The following PGAM4 variants were observed in gnomAD, a reference collection of about 807,000 sequenced individuals.
PGAM4 encodes phosphoglycerate mutase 4.
Under a neutral mutation model 10.8 loss-of-function variants are expected in PGAM4, and 7 were observed. The ratio of observed to expected loss-of-function variants is 0.65; its 90% CI spans 0.37 to 1.21. The LOEUF is 1.21. Among genes scored for constraint, PGAM4 ranks in the 50% most tolerant of loss-of-function variants. The pLI, the probability that PGAM4 is intolerant of heterozygous loss-of-function variation, is 0.02. For missense variants in PGAM4, 146 were observed against 214.1 expected (o/e 0.68, Z 1.98); for synonymous variants, 55 against 90.3 (o/e 0.61, Z 2.22).
chrX:77,969,434 T>C lies in PGAM4; in HGVS notation c.205A>G (p.Thr69Ala). 8.3e-7 allele frequency: 1 copy of C among 1,210,218 alleles called. No homozygotes were observed. The part of the protein sequence containing the change: ...VQKRVIRTLW[T>A]VLDAIDQMWL... The stretch of plus-strand genomic sequence containing the variant: ...ATCTGATCAATGGCATCTAGCACTG[T>C]CCAGAGGGTCCGGATCACTCTCTTC... Residue 69 changes from threonine to alanine, a missense_variant, in exon 1 of 1, where the codon ACA becomes GCA. Transcript: ENST00000458128.
chrX:77,968,816 A>G lies in PGAM4; in HGVS notation c.*58T>C. The G allele has an allele frequency of 8.3e-7, 1 of 1,201,361 alleles. No homozygotes were observed. The highest frequency in any genetic ancestry group is 1.1e-6 in the Non-Finnish European group (1 of 888,521). ...TGTGACATGTGCAGGTGGGAGGGGC[A>G]GAGGGACAAGACCAGCAGGGAGGGT... On this transcript the variant is annotated 3_prime_UTR_variant, in exon 1 of 1. Coordinates refer to ENST00000458128, the MANE Select transcript of PGAM4 (RefSeq NM_001029891.3).
rs181072116 is a variant in PGAM4 at position 77,968,341 on chromosome X, G to A, written c.*533C>T. On this transcript the variant is annotated 3_prime_UTR_variant, in exon 1 of 1. Coordinates refer to ENST00000458128, the MANE Select transcript of PGAM4 (RefSeq NM_001029891.3). ...AATAAAAGTAAATATAACACATAAC[G>A]AAATTCAGGATTGATCCCAACCTAG... 7.1e-5 allele frequency among the ~76,000 whole-genome samples: 8 copies of A among 111,945 alleles called. No individual in the cohort carries two copies. In the East Asian group the frequency reaches 2.2e-3, roughly 31 times the overall value.
rs782721181 is a variant in PGAM4, at chrX:77,967,992, G to A, written c.*882C>T. Among the ~76,000 whole-genome samples the A allele has an allele frequency of 9.0e-6, 1 of 110,674 alleles. No homozygotes were observed. Among genetic ancestry groups the A allele is most frequent in the African/African-American group, 3.3e-5 (1 of 30,369 alleles). On this transcript the variant is annotated 3_prime_UTR_variant, in exon 1 of 1. Coordinates refer to ENST00000458128, the MANE Select transcript of PGAM4 (RefSeq NM_001029891.3). The stretch of plus-strand genomic sequence containing the variant: ...CATCACTCCTTTATTATACTGATCT[G>A]GTAAAAGGATTTAGTACAGTTATGC...
In PGAM4 at chrX:77,969,575, A is replaced by T; in HGVS notation, c.64T>A (p.Phe22Ile). The T allele has an allele frequency of 8.3e-7, 1 of 1,211,949 alleles. No individual in the cohort carries two copies. Among genetic ancestry groups the T allele is most frequent in the Non-Finnish European group, 1.1e-6 (1 of 895,573 alleles). ...GESTWNLENR[F>I]SCWYDADLSP... is the part of the protein sequence containing the mutation. ...AGATCGGCGTCGTACCAGCAGCTGAAGCGGTTCTCCAGGTTCCATGTGCTC... is the reference window on the plus strand; with the variant it reads ...AGATCGGCGTCGTACCAGCAGCTGATGCGGTTCTCCAGGTTCCATGTGCTC... Residue 22 changes from phenylalanine (F) to isoleucine (I), a missense_variant, in exon 1 of 1, where the codon TTC becomes ATC. Transcript: ENST00000458128.
chrX:77,969,075 G>C lies in PGAM4; in HGVS notation c.564C>G (p.Asn188Lys). Reference sequence around the variant, plus strand: ...CATGCTTGGCAATGCCCTGGAGGCTGTTGCCATGGGCTGCAATCAGTACAC... The same window carrying C: ...CATGCTTGGCAATGCCCTGGAGGCTCTTGCCATGGGCTGCAATCAGTACAC... ...GKRVLIAAHG[N>K]SLQGIAKHVE... Residue 188 changes from asparagine to lysine, a missense_variant, in exon 1 of 1, where the codon AAC (asparagine) becomes AAG (lysine). By Grantham distance (94) the Asn-to-Lys change is moderately conservative (BLOSUM62 0). Transcript: ENST00000458128. 8.3e-7 allele frequency: 1 copy of C among 1,211,881 alleles called. No homozygotes were observed. The highest frequency in any genetic ancestry group is 1.1e-6 in the Non-Finnish European group (1 of 895,507).
rs1168373042 is a variant in PGAM4, at chrX:77,969,381, G to A, written c.258C>T (p.Arg86=). ...GACCCCCATAGTGCCGCTCATTGAG[G>A]CGCCAAGTCCTCACCACTGGCAGCC... ...QMWLPVVRTW[R]LNERHYGGLT... Residue 86 remains arginine (R), a synonymous_variant, in exon 1 of 1, where the codon CGC becomes CGT. Coordinates refer to ENST00000458128, the MANE Select transcript of PGAM4 (RefSeq NM_001029891.3). 7 of 1,208,240 alleles carry A rather than the reference G, an allele frequency of 5.8e-6. No homozygotes were observed. The East Asian group carries it at 2.1e-4, about 36-fold the overall frequency.
In PGAM4 at chrX:77,968,594, C is replaced by T. The variant is rs782057262; in HGVS notation, c.*280G>A. ...AGTAAACAAAGCACTCACAAAAACC[C>T]AAGTCACTACTTTTAAACTCTGTTG... On this transcript the variant is annotated 3_prime_UTR_variant, in exon 1 of 1. Transcript: ENST00000458128. Among the ~76,000 whole-genome samples, 2 of 112,269 alleles carry T rather than the reference C, an allele frequency of 1.8e-5. No homozygotes were observed. Among genetic ancestry groups the T allele is most frequent in the East Asian group, 5.6e-4 (2 of 3,548 alleles).
At position 77,969,229 on chromosome X, in the gene PGAM4, CT is replaced by C. The variant is rs2077529423; in HGVS notation, c.409del (p.Ser137ValfsTer35). 1 of 1,210,573 alleles carries C rather than the reference CT, an allele frequency of 8.3e-7. No individual in the cohort carries two copies. Among genetic ancestry groups the C allele is most frequent in the African/African-American group, 1.7e-5 (1 of 57,345 alleles). ...EPDHPFYSNI[S>X]KDRRYADLTE... ...GAGGTCTGCATACCTGCGATCCTTACTGATGTTGCTGTAGAAAGGATGGTCG... is the reference window on the plus strand; with the variant it reads ...GAGGTCTGCATACCTGCGATCCTTACGATGTTGCTGTAGAAAGGATGGTCG... On this transcript the variant is annotated frameshift_variant, in exon 1 of 1. Transcript: ENST00000458128. LOFTEE classifies it high-confidence loss of function.
rs1218819351 is a variant in PGAM4, at chrX:77,968,453, C to G, written c.*421G>C. ...TCTTCCACTGGAATGACTAGAGCCC[C>G]CAGGCAGTGGCCTGACTGCAGAAGA... is the stretch of plus-strand genomic sequence containing the variant. On this transcript the variant is annotated 3_prime_UTR_variant, in exon 1 of 1. Transcript: ENST00000458128. Among the ~76,000 whole-genome samples the G allele has an allele frequency of 8.9e-6, 1 of 112,037 alleles. No individual in the cohort carries two copies.
In PGAM4 at chrX:77,968,542, C is replaced by T. The variant is rs1356463575; in HGVS notation, c.*332G>A. 9.0e-6 allele frequency among the ~76,000 whole-genome samples: 1 copy of T among 111,717 alleles called. No individual in the cohort carries two copies. Among genetic ancestry groups the T allele is most frequent in the Non-Finnish European group, 1.9e-5 (1 of 53,150 alleles). On this transcript the variant is annotated 3_prime_UTR_variant, in exon 1 of 1. Transcript: ENST00000458128. ...TGTTGCTTCTCCTCATTGGTCGTGG[C>T]TTAGCATGTTCCTCCCCAAAGTCCT...
rs1218819351 is a variant in PGAM4 at position 77,968,453 on chromosome X, C to T, written c.*421G>A. Among the ~76,000 whole-genome samples, 1 of 112,038 alleles carries T rather than the reference C, an allele frequency of 8.9e-6. No homozygotes were observed. The highest frequency in any genetic ancestry group is 1.9e-5 in the Non-Finnish European group (1 of 53,196). ...TCTTCCACTGGAATGACTAGAGCCC[C>T]CAGGCAGTGGCCTGACTGCAGAAGA... On this transcript the variant is annotated 3_prime_UTR_variant, in exon 1 of 1. Coordinates refer to ENST00000458128, the MANE Select transcript of PGAM4 (RefSeq NM_001029891.3).
At position 77,969,433 on chromosome X, in the gene PGAM4, G is replaced by A. The variant is rs1557229305; in HGVS notation, c.206C>T (p.Thr69Ile). ...CATCTGATCAATGGCATCTAGCACT[G>A]TCCAGAGGGTCCGGATCACTCTCTT... The part of the protein sequence containing the change: ...VQKRVIRTLW[T>I]VLDAIDQMWL... Residue 69 changes from threonine (T) to isoleucine (I), a missense_variant, in exon 1 of 1, where the codon ACA (threonine) becomes ATA (isoleucine). Physicochemically the swap from Thr to Ile is moderately conservative, Grantham distance 89 (BLOSUM62 -1). Coordinates refer to ENST00000458128, the MANE Select transcript of PGAM4 (RefSeq NM_001029891.3). 1 of 1,208,544 alleles carries A rather than the reference G, an allele frequency of 8.3e-7. No individual in the cohort carries two copies. The highest frequency in any genetic ancestry group is 1.8e-5 in the African/African-American group (1 of 57,131).
chrX:77,968,939 C>G lies in PGAM4; in HGVS notation c.700G>C (p.Gly234Arg), dbSNP rs375563909. The change falls in exon 1 of 1, where the codon GGG (glycine) becomes CGG (arginine). Residue 234 changes from glycine to arginine, a missense_variant. Transcript: ENST00000458128. The part of the protein sequence containing the change: ...LKPIKPMQFL[G>R]DEETVCKAIE... ...GCTTTGCACACCGTCTCTTCATCCC[C>G]CAGAAACTGCATGGGCTTGATAGGC... 35 of 1,208,901 alleles carry G rather than the reference C, an allele frequency of 2.9e-5. No homozygotes were observed. The highest frequency in any genetic ancestry group is 3.4e-5 in the Non-Finnish European group (30 of 895,319).
rs782575738 is a variant in PGAM4, at chrX:77,969,289, C to T, written c.350G>A (p.Arg117His). 2.9e-5 allele frequency: 35 copies of T among 1,209,646 alleles called. No individual in the cohort carries two copies. The highest frequency in any genetic ancestry group is 3.7e-5 in the Non-Finnish European group (33 of 894,958). The change falls in exon 1 of 1, where the codon CGC becomes CAC. Residue 117 changes from arginine (R) to histidine (H), a missense_variant. Transcript: ENST00000458128. The part of the protein sequence containing the change: ...HGEAQVKIWR[R>H]SYDVPPPPME... ...CGGAGGTGGTGGGACATCATAGGAG[C>T]GCCTCCAGATCTTCACCTGGGCCTC...
rs2077521511 is a variant in PGAM4 at position 77,968,271 on chromosome X, A to C, written c.*603T>G. 8.9e-6 allele frequency among the ~76,000 whole-genome samples: 1 copy of C among 112,209 alleles called. No individual in the cohort carries two copies. The highest frequency in any genetic ancestry group is 3.2e-5 in the African/African-American group (1 of 30,871). On this transcript the variant is annotated 3_prime_UTR_variant, in exon 1 of 1. Coordinates refer to ENST00000458128, the MANE Select transcript of PGAM4 (RefSeq NM_001029891.3). Reference sequence around the variant, plus strand: ...TATTTCAACCGCCACAAGAAACCCCAGAAGGGTTATTGTTTTGTATTATTA... The same window carrying C: ...TATTTCAACCGCCACAAGAAACCCCCGAAGGGTTATTGTTTTGTATTATTA...
rs782190796 is a variant in PGAM4, at chrX:77,969,025, A to T, written c.614T>A (p.Ile205Asn). ...ACCAGTCGGCAGGTTCAGCTCCATG[A>T]TAGCCTCTTCAGAGAGACCCTCCAC... ...KHVEGLSEEA[I>N]MELNLPTGIP... The change falls in exon 1 of 1, where the codon ATC (isoleucine) becomes AAC (asparagine). Residue 205 changes from isoleucine to asparagine, a missense_variant. Physicochemically the swap from Ile to Asn is moderately radical, Grantham distance 149. Transcript: ENST00000458128. 8.3e-7 allele frequency: 1 copy of T among 1,210,079 alleles called. No homozygotes were observed. Among genetic ancestry groups the T allele is most frequent in the Admixed American group, 2.2e-5 (1 of 45,861 alleles).
chrX:77,969,558 G>A lies in PGAM4; in HGVS notation c.81C>T (p.Asp27=), dbSNP rs782463231. 7 of 1,210,239 alleles carry A rather than the reference G, an allele frequency of 5.8e-6. No individual in the cohort carries two copies. Among genetic ancestry groups the A allele is most frequent in the African/African-American group, 1.7e-5 (1 of 57,406 alleles). Residue 27 remains aspartate (D), a synonymous_variant, in exon 1 of 1, where the codon GAC becomes GAT. Coordinates refer to ENST00000458128, the MANE Select transcript of PGAM4 (RefSeq NM_001029891.3). Reference sequence around the variant, plus strand: ...CGTGGCCCGCCGGGCTCAGATCGGCGTCGTACCAGCAGCTGAAGCGGTTCT... The same window carrying A: ...CGTGGCCCGCCGGGCTCAGATCGGCATCGTACCAGCAGCTGAAGCGGTTCT... ...NLENRFSCWY[D]ADLSPAGHEE... is the part of the protein sequence containing the mutation.
At position 77,968,813 on chromosome X, in the gene PGAM4, G is replaced by C. The variant is rs1446338988; in HGVS notation, c.*61C>G. ...CAGTGTGACATGTGCAGGTGGGAGG[G>C]GCAGAGGGACAAGACCAGCAGGGAG... On this transcript the variant is annotated 3_prime_UTR_variant, in exon 1 of 1. Transcript: ENST00000458128. 1.1e-5 allele frequency: 13 copies of C among 1,198,402 alleles called. No individual in the cohort carries two copies. The highest frequency in any genetic ancestry group is 8.9e-5 in the East Asian group (3 of 33,727).
rs781876137 is a variant in PGAM4, at chrX:77,969,440, G to C, written c.199C>G (p.Leu67Val). The change falls in exon 1 of 1, where the codon CTC becomes GTC. Residue 67 changes from leucine (L) to valine (V), a missense_variant. Physicochemically the swap from Leu to Val is conservative, Grantham distance 32. Coordinates refer to ENST00000458128, the MANE Select transcript of PGAM4 (RefSeq NM_001029891.3). ...TSVQKRVIRT[L>V]WTVLDAIDQM... ...TCAATGGCATCTAGCACTGTCCAGAGGGTCCGGATCACTCTCTTCTGCACT... is the reference window on the plus strand; with the variant it reads ...TCAATGGCATCTAGCACTGTCCAGACGGTCCGGATCACTCTCTTCTGCACT... The C allele has an allele frequency of 1.2e-5, 15 of 1,210,495 alleles. No individual in the cohort carries two copies. In the South Asian group the frequency reaches 2.6e-4, roughly 21 times the overall value.
Sources: gnomAD v4.1 joint callset for allele counts (sites outside exome capture counted in the v4.1 genomes callset) on GRCh38, gnomAD v4.1.1 for gene constraint, MANE v1.5 for transcripts, NCBI Gene and HGNC (gene_info 2026-07-23, HGNC 2026-07-21) for gene names.